The following FMN2 variants were observed in gnomAD, a reference collection of about 807,000 sequenced individuals.
The protein encoded by FMN2 is formin 2.
In FMN2, 51 loss-of-function variants were observed where a neutral mutation model predicts 142.3. The ratio of observed to expected loss-of-function variants is 0.36; its 90% CI spans 0.29 to 0.45. The LOEUF (loss-of-function observed/expected upper bound fraction) is 0.45, where lower values mean the gene tolerates loss of function less well. Among genes scored for constraint, FMN2 ranks in the 20% least tolerant of loss-of-function variants. FMN2 has a pLI of 1.00. For missense variants in FMN2, 1,936 were observed against 2,122.8 expected (o/e 0.91, Z 1.73); for synonymous variants, 882 against 869.8 (o/e 1.01, Z -0.25).
intron 16 of FMN2, among the ~76,000 whole-genome samples, chr1:240,464,365 C>A (rs1057217843): frequency 5.9e-5 from 9 of 152,072 alleles, no homozygotes; most frequent in African/African-American, 2.2e-4. Context: ...ATTCAGCCAC[C>A]AGGGAATTAA....
rs1666680985 is a variant in FMN2 at position 240,211,238 on chromosome 1, G to T, written c.4065+3G>T. On this transcript the variant is annotated splice_donor_region_variant and intron_variant, in intron 6 of 17. Coordinates refer to ENST00000319653, the MANE Select transcript of FMN2 (RefSeq NM_020066.5). ...TCTCAAAGACGAAGGCTAAACAAGT[G>T]AGTATTTTTGTGCTTTATGAAATTG... The T allele has an allele frequency of 3.1e-6, 5 of 1,609,690 alleles. No individual in the cohort carries two copies. In the East Asian group the frequency reaches 1.1e-4, roughly 36 times the overall value.
chr1:240,134,975 C>T (rs182294947), intron 2 of FMN2, among the ~76,000 whole-genome samples: 1 of 152,280 alleles, frequency 6.6e-6, no homozygotes, highest in Non-Finnish European at 1.5e-5. Context: ...ATGTTCATGA[C>T]CATCCCGTAG....
chr1:240,318,978 A>G (rs190107181), intron 8 of FMN2, among the ~76,000 whole-genome samples: 2 of 152,304 alleles, frequency 1.3e-5, no homozygotes, highest in Admixed American at 1.3e-4. Context: ...ATTTTGAAAT[A>G]TGTTTCATCT....
chr1:240,465,974 C>CT (rs1214545681), intron 16 of FMN2, among the ~76,000 whole-genome samples: 1 of 152,108 alleles, frequency 6.6e-6, no homozygotes, highest in Non-Finnish European at 1.5e-5. Flanking sequence ...ATAAATGGGT[C>CT]TGGGGTTACG....
intron 7 of FMN2, among the ~76,000 whole-genome samples, chr1:240,263,062 A>C (rs1027384394): frequency 6.6e-6 from 1 of 152,112 alleles, no homozygotes; most frequent in African/African-American, 2.4e-5. Flanking sequence ...CCCATCCCCA[A>C]GAACTTTTCA....
At chr1:240,274,466 G>A (rs926476888) in intron 7 of FMN2, among the ~76,000 whole-genome samples, 6 of 152,086 alleles carry the variant, frequency 3.9e-5, no homozygotes, top group African/African-American at 7.2e-5. Context: ...AATTGGAGAC[G>A]TGATTTGGAT....
At chr1:240,296,492 C>A (rs1252975213) in intron 8 of FMN2, among the ~76,000 whole-genome samples, 1 of 107,998 alleles carries the variant, frequency 9.3e-6, no homozygotes, top group Non-Finnish European at 1.8e-5. Context: ...CTTTGATCTG[C>A]CTGGTATTTA....
intron 15 of FMN2, among the ~76,000 whole-genome samples, chr1:240,430,932 A>G (rs969239423): frequency 6.6e-6 from 1 of 151,008 alleles, no homozygotes; most frequent in Non-Finnish European, 1.5e-5. Flanking sequence ...TTGCTATTTC[A>G]TATGCTTTAC....
rs186445959 is a variant in FMN2 at position 240,146,564 on chromosome 1, C to T, written c.1782+23219C>T. Among the ~76,000 whole-genome samples, 497 of 151,662 alleles carry T rather than the reference C, an allele frequency of 3.3e-3. 3 individuals are homozygous for T. Among genetic ancestry groups the T allele is most frequent in the African/African-American group, 0.012 (484 of 41,316 alleles). ...CTAAAAATACAAAAAATTAGCCGGG[C>T]GTGGTGGCATGCAACTCTAGTCCCA... On this transcript the variant is annotated intron_variant, in intron 2 of 17. Transcript: ENST00000319653.
chr1:240,175,960 A>G (rs757470367), intron 2 of FMN2, among the ~76,000 whole-genome samples: 5 of 152,284 alleles, frequency 3.3e-5, no homozygotes, highest in Admixed American at 6.5e-5. Context: ...TTAAATCCTT[A>G]TCAGGGTTGA....
At chr1:240,144,236 A>C in intron 2 of FMN2, 1 of 1,573,438 alleles carries the variant, frequency 6.4e-7, no homozygotes, top group South Asian at 1.1e-5. Context: ...AGCTGCATTC[A>C]CAAAGCCACT....
intron 8 of FMN2, among the ~76,000 whole-genome samples, chr1:240,311,479 T>C (rs1226269869): frequency 6.6e-6 from 1 of 152,156 alleles, no homozygotes; most frequent in Non-Finnish European, 1.5e-5. Context: ...TTGAGTTGGT[T>C]CATGGAATCC....
intron 14 of FMN2, among the ~76,000 whole-genome samples, chr1:240,391,517 G>A (rs892328849): frequency 2.6e-5 from 4 of 152,112 alleles, no homozygotes; most frequent in Non-Finnish European, 5.9e-5. Flanking sequence ...AAAGAGGAAT[G>A]ATAATAAAAA....
intron 6 of FMN2, among the ~76,000 whole-genome samples, chr1:240,212,666 C>A (rs1192786183): frequency 1.3e-5 from 2 of 152,160 alleles, no homozygotes; most frequent in African/African-American, 4.8e-5. Context: ...CATATTTTCT[C>A]TGGCAGAGAT....
chr1:240,384,015 G>A (rs1293602488), intron 14 of FMN2, among the ~76,000 whole-genome samples: 9 of 152,064 alleles, frequency 5.9e-5, no homozygotes, highest in Admixed American at 3.3e-4. Flanking sequence ...GGATGCAGCT[G>A]AAGGCTATTA....
At chr1:240,142,012 A>AT (rs2103253813) in intron 2 of FMN2, among the ~76,000 whole-genome samples, 1 of 152,298 alleles carries the variant, frequency 6.6e-6, no homozygotes, top group Non-Finnish European at 1.5e-5. Flanking sequence ...GGCAACACTG[A>AT]TTCATTCTGA....
At chr1:240,180,214 C>G in intron 3 of FMN2, 1 of 1,261,640 alleles carries the variant, frequency 7.9e-7, no homozygotes, top group Non-Finnish European at 1.0e-6. Flanking sequence ...ACTTATTTTT[C>G]TCTTGTTGAT....
intron 15 of FMN2, among the ~76,000 whole-genome samples, chr1:240,414,247 G>T (rs899682957): frequency 9.2e-5 from 14 of 152,184 alleles, no homozygotes; most frequent in Admixed American, 2.6e-4. Context: ...AGGAGGGGCT[G>T]CAGGGCTTTG....
intron 15 of FMN2, chr1:240,400,804 CCA>C (rs10648144): frequency 1.5e-4 from 22 of 151,568 alleles, no homozygotes; most frequent in South Asian, 8.3e-4. Flanking sequence ...CCCCCGACCA[CCA>C]CACACACACA....
Sources: gnomAD v4.1 joint callset for allele counts (sites outside exome capture counted in the v4.1 genomes callset) on GRCh38, gnomAD v4.1.1 for gene constraint, MANE v1.5 for transcripts, NCBI Gene and HGNC (gene_info 2026-07-23, HGNC 2026-07-21) for gene names.